ASAP1: variants seen among roughly 807,000 people sequenced by gnomAD.
The protein encoded by ASAP1 is arf-GAP with SH3 domain, ANK repeat and PH domain-containing protein 1.
Under a neutral mutation model 145.2 loss-of-function variants are expected in ASAP1, and 43 were observed. The ratio of observed to expected loss-of-function variants is 0.30; its 90% CI spans 0.23 to 0.38. ASAP1 has a LOEUF of 0.38. Among genes scored for constraint, ASAP1 ranks in the 10% least tolerant of loss-of-function variants. The pLI, the probability that ASAP1 is intolerant of heterozygous loss-of-function variation, is 1.00. For missense variants in ASAP1, 1,018 were observed against 1,355.3 expected, an observed-to-expected ratio of 0.75 and a Z score of 3.91; for synonymous variants, 546 against 515.5, an observed-to-expected ratio of 1.06 and a Z score of -0.80.
At position 130,127,946 on chromosome 8, in the gene ASAP1, G is replaced by A; in HGVS notation, c.1362C>T (p.Cys454=). ...DVQRLPGNDI[C]CDCGSSEPTW... is the part of the protein sequence containing the mutation. ...AAAAACCTGATGAGCCACAATCGCAGCAAATGTCATTCCCTGGGAGCCGCT... is the reference window on the plus strand; with the variant it reads ...AAAAACCTGATGAGCCACAATCGCAACAAATGTCATTCCCTGGGAGCCGCT... Residue 454 remains cysteine (C), a synonymous_variant, in exon 16 of 30, where the codon TGC becomes TGT. Transcript: ENST00000518721. The A allele has an allele frequency of 6.2e-7, 1 of 1,613,334 alleles. No individual in the cohort carries two copies. The highest frequency in any genetic ancestry group is 2.2e-5 in the East Asian group (1 of 44,858).
At chr8:130,322,633 T>C (rs1410779171) in intron 3 of ASAP1, among the ~76,000 whole-genome samples, 4 of 152,246 alleles carry the variant, frequency 2.6e-5, no homozygotes, top group Admixed American at 2.6e-4. Context: ...CAGTTCAATA[T>C]AATGCTATCT....
At chr8:130,253,703 G>A (rs1346910463) in intron 3 of ASAP1, among the ~76,000 whole-genome samples, 5 of 152,130 alleles carry the variant, frequency 3.3e-5, no homozygotes, top group Non-Finnish European at 7.4e-5. Flanking sequence ...AGATGAAGAC[G>A]AAATGCACGC....
intron 27 of ASAP1, among the ~76,000 whole-genome samples, chr8:130,065,691 T>C (rs953327626): frequency 6.6e-6 from 1 of 152,190 alleles, no homozygotes; most frequent in Non-Finnish European, 1.5e-5. Flanking sequence ...AATGTATCTA[T>C]CAGAACATTT....
chr8:130,131,119 T>C (rs758483311), intron 15 of ASAP1, among the ~76,000 whole-genome samples: 34 of 151,876 alleles, frequency 2.2e-4, no homozygotes, highest in Non-Finnish European at 4.9e-4. Context: ...ATCGCGCCAC[T>C]GCACTCCAGC....
chr8:130,168,956 G>GC, intron 10 of ASAP1, 36 bp downstream of exon 10: 1 of 1,246,038 alleles, frequency 8.0e-7, no homozygotes, highest in Non-Finnish European at 1.1e-6. Flanking sequence ...ATCCATGAAA[G>GC]CAAGTTAAAC....
At chr8:130,243,345 G>GT (rs983826137) in intron 3 of ASAP1, among the ~76,000 whole-genome samples, 6 of 152,024 alleles carry the variant, frequency 3.9e-5, no homozygotes, top group Non-Finnish European at 7.4e-5. Context: ...TAAAAACTCC[G>GT]TAAGAATAAT....
chr8:130,321,016 T>C (rs1197917229), intron 3 of ASAP1, among the ~76,000 whole-genome samples: 4 of 152,180 alleles, frequency 2.6e-5, no homozygotes, highest in Admixed American at 1.3e-4. Flanking sequence ...ATCCCAAATA[T>C]ATAAATCAAG....
intron 14 of ASAP1, among the ~76,000 whole-genome samples, chr8:130,135,481 C>T (rs2097592433): frequency 6.6e-6 from 1 of 151,492 alleles, no homozygotes; most frequent in Non-Finnish European, 1.5e-5. Context: ...TGAGACCCTG[C>T]CTCAAAAACA....
At chr8:130,375,916 T>C (rs1007815558) in intron 2 of ASAP1, among the ~76,000 whole-genome samples, 5 of 152,210 alleles carry the variant, frequency 3.3e-5, no homozygotes, top group African/African-American at 1.2e-4. Context: ...CAGGAAAACA[T>C]ACATTTCCAT....
At chr8:130,352,010 C>CA (rs1470681373) in intron 3 of ASAP1, among the ~76,000 whole-genome samples, 1 of 152,198 alleles carries the variant, frequency 6.6e-6, no homozygotes, top group Non-Finnish European at 1.5e-5. Flanking sequence ...TTCATCCAGA[C>CA]AAAACCTCAT....
intron 3 of ASAP1, among the ~76,000 whole-genome samples, chr8:130,337,297 G>A (rs1476030200): frequency 6.6e-6 from 1 of 152,146 alleles, no homozygotes. Context: ...CTTCAAATAA[G>A]ATCATAGGAA....
intron 5 of ASAP1, among the ~76,000 whole-genome samples, chr8:130,191,593 T>A (rs550344212): frequency 6.6e-6 from 1 of 152,180 alleles, no homozygotes; most frequent in South Asian, 2.1e-4. Context: ...TTATGTATTA[T>A]GTGTTAGTGG....
At chr8:130,331,533 CT>C (rs890733321) in intron 3 of ASAP1, among the ~76,000 whole-genome samples, 7 of 152,174 alleles carry the variant, frequency 4.6e-5, no homozygotes, top group African/African-American at 1.7e-4. Context: ...TCCAGCCTTA[CT>C]TCCTGCCTTC....
intron 3 of ASAP1, among the ~76,000 whole-genome samples, chr8:130,332,034 T>G (rs986429791): frequency 1.3e-5 from 2 of 152,130 alleles, no homozygotes; most frequent in Non-Finnish European, 2.9e-5. Context: ...AGAAGAGAAG[T>G]TATCACTATG....
At chr8:130,422,287 T>C (rs553207621) in intron 1 of ASAP1, among the ~76,000 whole-genome samples, 1 of 152,310 alleles carries the variant, frequency 6.6e-6, no homozygotes, top group East Asian at 1.9e-4. Context: ...ATGAGGACTC[T>C]GGAGCCAGAC....
rs928704489 is a variant in ASAP1 at position 130,282,077 on chromosome 8, A to G, written c.187-45083T>C. 3.3e-5 allele frequency among the ~76,000 whole-genome samples: 5 copies of G among 152,114 alleles called. 1 individual carries two copies. Among genetic ancestry groups the G allele is most frequent in the African/African-American group, 1.2e-4 (5 of 41,412 alleles). On this transcript the variant is annotated intron_variant, in intron 3 of 29. Coordinates refer to ENST00000518721, the MANE Select transcript of ASAP1 (RefSeq NM_018482.4). ...GTGCAAGACTCTGCCTCGAAAAAAA[A>G]AAAAAAAGGAATGGCATGGCAAAAA...
chr8:130,141,832 C>G (rs914162638), intron 13 of ASAP1, among the ~76,000 whole-genome samples: 6 of 152,124 alleles, frequency 3.9e-5, no homozygotes, highest in African/African-American at 1.4e-4. Context: ...ATCCTCCTGC[C>G]TCAGCCTCCC....
intron 3 of ASAP1, among the ~76,000 whole-genome samples, chr8:130,238,645 T>C (rs2136688269): frequency 1.3e-5 from 2 of 152,266 alleles, no homozygotes; most frequent in Non-Finnish European, 2.9e-5. Context: ...AAATATTTTA[T>C]CTCTTTGCAT....
chr8:130,162,708 C>G (rs1309564161), intron 11 of ASAP1, among the ~76,000 whole-genome samples: 1 of 151,844 alleles, frequency 6.6e-6, no homozygotes, highest in Non-Finnish European at 1.5e-5. Flanking sequence ...CTCCCAGCTA[C>G]TCAGGAGGCT....
Sources: allele counts gnomAD v4.1 joint callset (sites outside exome capture counted in the v4.1 genomes callset), GRCh38; gene constraint gnomAD v4.1.1; transcripts MANE v1.5; gene names NCBI Gene and HGNC (gene_info 2026-07-23, HGNC 2026-07-21).